The following SNX19 variants were observed in gnomAD, a reference collection of about 807,000 sequenced individuals.
SNX19 encodes sorting nexin-19.
In SNX19, 60 loss-of-function variants were observed where a neutral mutation model predicts 85.2. The observed-to-expected ratio is 0.70, with a 90% CI of 0.57 to 0.87. The LOEUF is 0.87. Ranked by LOEUF, SNX19 falls within the 40% of genes least tolerant of loss-of-function variation. The pLI is 0.00. For synonymous variants in SNX19, 520 were observed against 470.0 expected (o/e 1.11, Z -1.38); for missense variants, 1,201 against 1,217.8 (o/e 0.99, Z 0.21).
At chr11:130,905,338 G>T (rs971341360) in intron 7 of SNX19, among the ~76,000 whole-genome samples, 1 of 129,390 alleles carries the variant, frequency 7.7e-6, no homozygotes, top group East Asian at 2.3e-4. Context: ...AAGATAAAAA[G>T]AATAGATCTG....
intron 8 of SNX19, among the ~76,000 whole-genome samples, chr11:130,890,553 C>CT (rs1944421995): frequency 1.3e-5 from 2 of 152,194 alleles, no homozygotes; most frequent in Non-Finnish European, 2.9e-5. Context: ...CCTTTAAACT[C>CT]TTCACTGTTA....
intron 1 of SNX19, among the ~76,000 whole-genome samples, chr11:130,913,767 G>C (rs1281838311): frequency 6.6e-6 from 1 of 152,208 alleles, no homozygotes; most frequent in African/African-American, 2.4e-5. Context: ...ACTCTTGGAG[G>C]TGTGTAAGCA....
rs1946378298 is a variant in SNX19, at chr11:130,914,452, A to G, written c.1488T>C (p.Pro496=). 4 of 1,613,858 alleles carry G rather than the reference A, an allele frequency of 2.5e-6. No homozygotes were observed. The highest frequency in any genetic ancestry group is 3.4e-6 in the Non-Finnish European group (4 of 1,179,810). The change falls in exon 1 of 11, where the codon CCT becomes CCC. Residue 496 remains proline, a synonymous_variant. Coordinates refer to ENST00000265909, the MANE Select transcript of SNX19 (RefSeq NM_014758.3). ...DLTNDVSSLD[P]TLPPVLLSSS... is the part of the protein sequence containing the mutation. ...AGGAAAGCAGAACTGGTGGCAGAGT[A>G]GGATCAAGGGAGCTCACATCATTGG... is the stretch of plus-strand genomic sequence containing the variant.
Position 130,914,523 on chromosome 11 carries a change from C to T in SNX19, c.1417G>A (p.Glu473Lys), listed in dbSNP as rs1239659097. 6.8e-6 allele frequency: 11 copies of T among 1,613,840 alleles called. No individual in the cohort carries two copies. The highest frequency in any genetic ancestry group is 8.5e-6 in the Non-Finnish European group (10 of 1,179,878). ...GACGGCCGTGAGGGGCAGGTCTTTT[C>T]TGGCCCCTCCAGCAAAGCTGTAACA... ...ASVTALLEGP[E>K]KTCPSRPSCL... Residue 473 changes from glutamate to lysine, a missense_variant, in exon 1 of 11, where the codon GAA (glutamate) becomes AAA (lysine). Coordinates refer to ENST00000265909, the MANE Select transcript of SNX19 (RefSeq NM_014758.3).
intron 8 of SNX19, among the ~76,000 whole-genome samples, chr11:130,899,670 T>C (rs761562215): frequency 2.0e-5 from 3 of 152,288 alleles, no homozygotes; most frequent in Non-Finnish European, 2.9e-5. Context: ...TAAGAACTTG[T>C]TGACAGGAAG....
At position 130,874,565 on chromosome 11, in the gene SNX19, C is replaced by T. The variant is rs538984674; in HGVS notation, c.*3857G>A. ...GTTGCTGAATCACCAAACTCCTGGG[C>T]TTACCTACTCACGTACTAATGTTAT... On this transcript the variant is annotated 3_prime_UTR_variant, in exon 11 of 11. Coordinates refer to ENST00000265909, the MANE Select transcript of SNX19 (RefSeq NM_014758.3). Among the ~76,000 whole-genome samples, 1 of 152,316 alleles carries T rather than the reference C, an allele frequency of 6.6e-6. No homozygotes were observed. The highest frequency in any genetic ancestry group is 2.1e-4 in the South Asian group (1 of 4,824).
intron 10 of SNX19, 91 bp from the exon 11 acceptor site, chr11:130,878,645 C>T (rs1043692163): frequency 5.4e-5 from 79 of 1,460,986 alleles, no homozygotes; most frequent in African/African-American, 5.0e-4. Flanking sequence ...CCCCCATCAC[C>T]GACACCCTAA....
intron 8 of SNX19, among the ~76,000 whole-genome samples, chr11:130,886,333 G>T (rs1944064502): frequency 6.6e-6 from 1 of 152,150 alleles, no homozygotes; most frequent in Admixed American, 6.5e-5. Context: ...ATGTGTGTAT[G>T]CGCCTGTGCC....
intron 8 of SNX19, chr11:130,895,148 C>T (rs772211409): frequency 1.0e-4 from 103 of 985,192 alleles, no homozygotes; most frequent in East Asian, 7.9e-4. Context: ...TGTGGAGGGG[C>T]GCTGCACTCT....
At chr11:130,890,052 C>G (rs1944390884) in intron 8 of SNX19, among the ~76,000 whole-genome samples, 2 of 152,110 alleles carry the variant, frequency 1.3e-5, no homozygotes, top group Admixed American at 1.3e-4. Flanking sequence ...AGATACTAAT[C>G]TATTACTTTA....
At position 130,868,345 on chromosome 11, in the gene SNX19, A is replaced by T. The variant is rs547518280; in HGVS notation, c.*10077T>A. 3 of 152,274 alleles carry T rather than the reference A, an allele frequency of 2.0e-5. No individual in the cohort carries two copies. The highest frequency in any genetic ancestry group is 4.8e-5 in the African/African-American group (2 of 41,554). The allele number at this position is 152,274 out of a possible 1,614,324, so 9.4% of individuals were successfully genotyped here. On this transcript the variant is annotated 3_prime_UTR_variant, in exon 11 of 11. Transcript: ENST00000265909. Reference sequence around the variant, plus strand: ...CAGGAACTGGGTTGCAAAGTCTGTTAGTGGAAAAAAAAGCAACACCCTTCT... The same window carrying T: ...CAGGAACTGGGTTGCAAAGTCTGTTTGTGGAAAAAAAAGCAACACCCTTCT...
At position 130,876,670 on chromosome 11, in the gene SNX19, C is replaced by CTT. The variant is rs1943273780; in HGVS notation, c.*1750_*1751dup. On this transcript the variant is annotated 3_prime_UTR_variant, in exon 11 of 11. Coordinates refer to ENST00000265909, the MANE Select transcript of SNX19 (RefSeq NM_014758.3). ...CCCCTATGCTCATCGAGAATAGGAT[C>CTT]TTAGCCCTCACTGAAGGAGCTTAAT... The CTT allele has an allele frequency of 6.6e-6, 1 of 152,646 alleles. No homozygotes were observed. The highest frequency in any genetic ancestry group is 1.5e-5 in the Non-Finnish European group (1 of 68,062). The allele number at this position is 152,646 out of a possible 1,614,324, so 9.5% of individuals were successfully genotyped here.
At position 130,915,478 on chromosome 11, in the gene SNX19, A is replaced by C; in HGVS notation, c.462T>G (p.Val154=). 6.2e-7 allele frequency: 1 copy of C among 1,614,170 alleles called. No homozygotes were observed. The highest frequency in any genetic ancestry group is 8.5e-7 in the Non-Finnish European group (1 of 1,180,038). Residue 154 remains valine, a synonymous_variant, in exon 1 of 11, where the codon GTT becomes GTG. Transcript: ENST00000265909. The part of the protein sequence containing the change: ...RRMSVMDSHA[V]AQSVLTLCGC... ...CGCAGAGAGTCAGAACACTCTGGGC[A>C]ACAGCATGACTGTCCATCACGCTCA...
chr11:130,906,223 A>G lies in SNX19; in HGVS notation c.2263-90T>C, dbSNP rs544790736. 1.7e-5 allele frequency: 23 copies of G among 1,340,190 alleles called. 1 individual carries two copies. In the South Asian group the frequency reaches 2.2e-4, roughly 13 times the overall value. The allele number at this position is 1,340,190 out of a possible 1,614,324, so 83.0% of individuals were successfully genotyped here. A position where few individuals can be genotyped will look rare whatever the true frequency, so the allele number is the denominator to read the frequency against. On this transcript the variant is annotated intron_variant, in intron 6 of 10. Transcript: ENST00000265909. ...CTAGGTTTCCCTGCCTCTCCCCTGCATAAGTACCTTGGGTATAAAACCCAA... is the reference window on the plus strand; with the variant it reads ...CTAGGTTTCCCTGCCTCTCCCCTGCGTAAGTACCTTGGGTATAAAACCCAA...
chr11:130,914,723 T>C lies in SNX19; in HGVS notation c.1217A>G (p.Glu406Gly), dbSNP rs1162806323. The C allele has an allele frequency of 1.2e-6, 2 of 1,613,950 alleles. No homozygotes were observed. Among genetic ancestry groups the C allele is most frequent in the Admixed American group, 1.7e-5 (1 of 59,984 alleles). ...TTTGGGTTCCAGAGCCTGGGAACTC[T>C]CTAGGGCACACAGGGCATCCTGAAT... ...DRIQDALCAL[E>G]SSQALEPKDG... is the part of the protein sequence containing the mutation. The change falls in exon 1 of 11, where the codon GAG becomes GGG. Residue 406 changes from glutamate (E) to glycine (G), a missense_variant. Glu to Gly is a moderately conservative substitution (Grantham distance 98, BLOSUM62 -2). Coordinates refer to ENST00000265909, the MANE Select transcript of SNX19 (RefSeq NM_014758.3).
chr11:130,910,538 A>T (rs530918177), intron 2 of SNX19, among the ~76,000 whole-genome samples, 168 bp from the exon 3 acceptor site: 8 of 152,294 alleles, frequency 5.3e-5, no homozygotes, highest in Non-Finnish European at 1.0e-4. Context: ...TCCATATAAC[A>T]CTAAATTGTT....
At chr11:130,884,570 G>T (rs1943909656) in intron 8 of SNX19, among the ~76,000 whole-genome samples, 1 of 151,996 alleles carries the variant, frequency 6.6e-6, no homozygotes, top group Admixed American at 6.6e-5. Flanking sequence ...CTATTCATTA[G>T]AAATTACTTA....
rs774977610 is a variant in SNX19 at position 130,914,524 on chromosome 11, T to A, written c.1416A>T (p.Pro472=). 1.2e-6 allele frequency: 2 copies of A among 1,613,878 alleles called. No individual in the cohort carries two copies. The highest frequency in any genetic ancestry group is 2.7e-5 in the African/African-American group (2 of 74,924). The change falls in exon 1 of 11, where the codon CCA becomes CCT. Residue 472 remains proline (P), a synonymous_variant. Coordinates refer to ENST00000265909, the MANE Select transcript of SNX19 (RefSeq NM_014758.3). ...TASVTALLEG[P]EKTCPSRPSC... is the part of the protein sequence containing the mutation. ...ACGGCCGTGAGGGGCAGGTCTTTTCTGGCCCCTCCAGCAAAGCTGTAACAG... is the reference window on the plus strand; with the variant it reads ...ACGGCCGTGAGGGGCAGGTCTTTTCAGGCCCCTCCAGCAAAGCTGTAACAG...
intron 8 of SNX19, chr11:130,895,156 T>C: frequency 1.0e-6 from 1 of 985,390 alleles, no homozygotes; most frequent in Non-Finnish European, 1.2e-6. Flanking sequence ...GGCGCTGCAC[T>C]CTTTGGAAAG....
Sources: allele counts gnomAD v4.1 joint callset (sites outside exome capture counted in the v4.1 genomes callset), GRCh38; gene constraint gnomAD v4.1.1; transcripts MANE v1.5; gene names NCBI Gene and HGNC (gene_info 2026-07-23, HGNC 2026-07-21).